The following SPIDR variants were observed in gnomAD, a reference collection of about 807,000 sequenced individuals.
SPIDR encodes DNA repair-scaffolding protein.
In SPIDR, 93 loss-of-function variants were observed where a neutral mutation model predicts 104.6. The observed-to-expected ratio is 0.89, with a 90% CI of 0.75 to 1.06. SPIDR has a LOEUF of 1.06. SPIDR is among the 50% of genes least tolerant of loss of function. The probability of loss-of-function intolerance (pLI) is 0.00; values close to 1 mark genes in which losing one functional copy is unlikely to be tolerated. For missense variants in SPIDR, 1,154 were observed against 1,111.2 expected (o/e 1.04, Z -0.55); for synonymous variants, 431 against 416.9 (o/e 1.03, Z -0.41).
intron 8 of SPIDR, among the ~76,000 whole-genome samples, chr8:47,453,882 T>C (rs1020562965): frequency 1.3e-5 from 2 of 152,174 alleles, no homozygotes; most frequent in African/African-American, 2.4e-5. Context: ...GAAAAAATGC[T>C]CATTATCACT....
intron 8 of SPIDR, among the ~76,000 whole-genome samples, chr8:47,585,524 C>T (rs1367126925): frequency 6.6e-6 from 1 of 152,140 alleles, no homozygotes; most frequent in Admixed American, 6.5e-5. Context: ...CCTACCCCCA[C>T]CCCACAACCT....
chr8:47,473,931 C>T (rs1221871134), intron 8 of SPIDR, among the ~76,000 whole-genome samples: 2 of 152,138 alleles, frequency 1.3e-5, no homozygotes, highest in African/African-American at 4.8e-5. Context: ...CTCATCCACA[C>T]CTTATAGGCC....
In SPIDR at chr8:47,396,467, A is replaced by G. The variant is rs782322153; in HGVS notation, c.617A>G (p.His206Arg). 78 of 1,614,022 alleles carry G rather than the reference A, an allele frequency of 4.8e-5. No homozygotes were observed. The East Asian group carries it at 1.7e-3, about 36-fold the overall frequency. ...NVLLIDSESP[H>R]KYHVQFASDA... ...CTACTCATTGATTCAGAATCCCCTC[A>G]CAAATACCACGTGCAGTTTGCATCG... The change falls in exon 6 of 20, where the codon CAC (histidine) becomes CGC (arginine). Residue 206 changes from histidine to arginine, a missense_variant. By Grantham distance (29) the His-to-Arg change is conservative. Coordinates refer to ENST00000297423, the MANE Select transcript of SPIDR (RefSeq NM_001080394.4).
intron 10 of SPIDR, among the ~76,000 whole-genome samples, chr8:47,655,058 A>G (rs1343437945): frequency 6.6e-6 from 1 of 152,158 alleles, no homozygotes; most frequent in African/African-American, 2.4e-5. Flanking sequence ...ACATAAACTC[A>G]TCCTTTTTTA....
chr8:47,704,973 C>T (rs1300278545), intron 14 of SPIDR, among the ~76,000 whole-genome samples: 1 of 152,200 alleles, frequency 6.6e-6, no homozygotes, highest in Non-Finnish European at 1.5e-5. Flanking sequence ...CTGGCACATT[C>T]CTGCTCTTCT....
chr8:47,541,286 T>A (rs981590243), intron 8 of SPIDR, among the ~76,000 whole-genome samples: 13 of 152,336 alleles, frequency 8.5e-5, no homozygotes, highest in African/African-American at 3.1e-4. Flanking sequence ...GTTTTACAGG[T>A]GAGGAAACTT....
intron 8 of SPIDR, among the ~76,000 whole-genome samples, chr8:47,486,570 G>C (rs776555761): frequency 1.3e-5 from 2 of 152,166 alleles, no homozygotes; most frequent in African/African-American, 4.8e-5. Flanking sequence ...AGGTTGAAAT[G>C]GAGGAAAAAA....
In SPIDR at chr8:47,701,995, G is replaced by A; in HGVS notation, c.1957G>A (p.Val653Met). The A allele has an allele frequency of 6.2e-7, 1 of 1,613,274 alleles. No individual in the cohort carries two copies. Among genetic ancestry groups the A allele is most frequent in the Non-Finnish European group, 8.5e-7 (1 of 1,179,910 alleles). Residue 653 changes from valine to methionine, a missense_variant, in exon 14 of 20, where the codon GTG becomes ATG. Transcript: ENST00000297423. ...LGTRCSFYAT[V>M]IYQKPQLKSL... ...TACCCGTTGCAGTTTCTATGCCACG[G>A]TGATTTACCAAAAACCACAGGTAAT...
rs187325785 is a variant in SPIDR at position 47,412,026 on chromosome 8, G to C, written c.877+4065G>C. On this transcript the variant is annotated intron_variant, in intron 7 of 19. Coordinates refer to ENST00000297423, the MANE Select transcript of SPIDR (RefSeq NM_001080394.4). ...TCCATTGGTCTATATCTCTGTTTTG[G>C]TACCAGTACCATGGTGTTTTTGTTA... is the stretch of plus-strand genomic sequence containing the variant. Among the ~76,000 whole-genome samples the C allele has an allele frequency of 7.9e-5, 12 of 152,150 alleles. No individual in the cohort carries two copies. In the East Asian group the frequency reaches 2.3e-3, roughly 29 times the overall value.
At chr8:47,349,888 G>A (rs2053093249) in intron 5 of SPIDR, among the ~76,000 whole-genome samples, 1 of 152,206 alleles carries the variant, frequency 6.6e-6, no homozygotes, top group South Asian at 2.1e-4. Context: ...GGCTTCCCTT[G>A]GCTAGGAAAG....
chr8:47,700,382 C>T (rs765450955), intron 11 of SPIDR, 21 bp from the exon 12 acceptor site: 4 of 1,613,826 alleles, frequency 2.5e-6, no homozygotes, highest in Non-Finnish European at 2.5e-6. Flanking sequence ...TGATGAATAC[C>T]TTTGACTTTT....
chr8:47,363,193 A>G (rs1278220284), intron 5 of SPIDR, among the ~76,000 whole-genome samples: 1 of 129,902 alleles, frequency 7.7e-6, no homozygotes, highest in Non-Finnish European at 1.6e-5. Context: ...TTTTTTCTTT[A>G]TCTCTCTTTT....
intron 8 of SPIDR, among the ~76,000 whole-genome samples, chr8:47,545,123 T>TTTC: frequency 3.0e-5 from 4 of 133,952 alleles, no homozygotes; most frequent in African/African-American, 1.1e-4. Context: ...TTCTTTCTTT[T>TTTC]TTTTTTTTTT....
chr8:47,701,493 C>A (rs752361191), intron 12 of SPIDR, among the ~76,000 whole-genome samples: 2 of 152,018 alleles, frequency 1.3e-5, no homozygotes, highest in Admixed American at 1.3e-4. Context: ...CAGTATACCC[C>A]GAAAGATTTC....
Position 47,691,290 on chromosome 8 carries a change from C to CAAGA in SPIDR, c.1686-9111_1686-9110insGAAA, listed in dbSNP as rs750019678. ...TGGACAACAGAGCAAGACTCCGTCT[C>CAAGA]AAAAAAAAAAAAAAAAAAAAGAGAG... On this transcript the variant is annotated intron_variant, in intron 11 of 19. Coordinates refer to ENST00000297423, the MANE Select transcript of SPIDR (RefSeq NM_001080394.4). Among the ~76,000 whole-genome samples, 5 of 86,668 alleles carry CAAGA rather than the reference C, an allele frequency of 5.8e-5. No homozygotes were observed. In the Admixed American group the frequency reaches 6.1e-4, roughly 10 times the overall value. The allele number at this position is 86,668 out of a possible 152,430, so 56.9% of individuals were successfully genotyped here.
intron 10 of SPIDR, among the ~76,000 whole-genome samples, chr8:47,671,585 A>AAAATAAAT (rs60133278): frequency 0.16 from 23,353 of 142,596 alleles, 2,458 homozygotes; most frequent in African/African-American, 0.29. Context: ...ACTCCATCTC[A>AAAATAAAT]AAATAAATAA....
chr8:47,689,799 C>G (rs1230748305), intron 11 of SPIDR, among the ~76,000 whole-genome samples: 1 of 152,200 alleles, frequency 6.6e-6, no homozygotes, highest in Non-Finnish European at 1.5e-5. Context: ...CACCCCTCCC[C>G]AAGGCCAGCC....
At chr8:47,654,092 T>C (rs957492288) in intron 10 of SPIDR, 43 of 1,289,682 alleles carry the variant, frequency 3.3e-5, no homozygotes, top group African/African-American at 6.1e-5. Flanking sequence ...GGCCCCACCA[T>C]GTGTGTACCA....
chr8:47,674,265 G>C (rs1377391529), intron 11 of SPIDR, among the ~76,000 whole-genome samples: 1 of 152,144 alleles, frequency 6.6e-6, no homozygotes, highest in Non-Finnish European at 1.5e-5. Flanking sequence ...TCTTTGGGTG[G>C]TAGGTTGTGT....
Sources: gnomAD v4.1 joint callset for allele counts (sites outside exome capture counted in the v4.1 genomes callset) on GRCh38, gnomAD v4.1.1 for gene constraint, MANE v1.5 for transcripts, NCBI Gene and HGNC (gene_info 2026-07-23, HGNC 2026-07-21) for gene names.